EEFSEC: variants seen among roughly 807,000 people sequenced by gnomAD.
The protein encoded by EEFSEC is eukaryotic elongation factor, selenocysteine-tRNA specific, also known as selenocysteine-specific elongation factor.
Under a neutral mutation model 42.1 loss-of-function variants are expected in EEFSEC, and 43 were observed. The observed-to-expected ratio is 1.02, with a 90% confidence interval of 0.80 to 1.32. EEFSEC has a LOEUF of 1.32. EEFSEC is among the 40% of genes most tolerant of loss of function. The probability of loss-of-function intolerance (pLI) is 0.00; values close to 1 mark genes in which losing one functional copy is unlikely to be tolerated. For synonymous variants in EEFSEC, 354 were observed against 339.1 expected, an observed-to-expected ratio of 1.04 and a Z score of -0.48; for missense variants, 745 against 803.6, an observed-to-expected ratio of 0.93 and a Z score of 0.88.
At chr3:128,420,648 T>C in the EEFSEC span, among the ~76,000 whole-genome samples, 1 of 152,130 alleles carries the variant, frequency 6.6e-6, no homozygotes, top group Non-Finnish European at 1.5e-5. Flanking sequence ...TGGGAAGGAC[T>C]CCCCAGTTCC....
At chr3:128,349,298 G>T (rs2067354086) in intron 5 of EEFSEC, among the ~76,000 whole-genome samples, 1 of 152,150 alleles carries the variant, frequency 6.6e-6, no homozygotes, top group Non-Finnish European at 1.5e-5. Flanking sequence ...AGAAATCCTT[G>T]GAGCAGGGCC....
intron 1 of EEFSEC, among the ~76,000 whole-genome samples, chr3:128,202,654 T>G (rs2065655129): frequency 6.6e-6 from 1 of 152,362 alleles, no homozygotes; most frequent in Non-Finnish European, 1.5e-5. Flanking sequence ...GTTCTTTTTC[T>G]TAACTTATTA....
At chr3:128,180,563 T>C (rs1576523198) in intron 1 of EEFSEC, among the ~76,000 whole-genome samples, 1 of 151,958 alleles carries the variant, frequency 6.6e-6, no homozygotes, top group East Asian at 1.9e-4. Flanking sequence ...CCTTAAAGAG[T>C]TGTGAGGATG....
At chr3:128,274,144 C>G (rs1287200004) in intron 4 of EEFSEC, among the ~76,000 whole-genome samples, 1 of 152,176 alleles carries the variant, frequency 6.6e-6, no homozygotes, top group Non-Finnish European at 1.5e-5. Context: ...CCTGCCCTTT[C>G]CAGCTGAGGG....
In EEFSEC at chr3:128,159,592, T is replaced by C. The variant is rs184385227; in HGVS notation, c.316+5769T>C. 8.9e-4 allele frequency among the ~76,000 whole-genome samples: 135 copies of C among 152,274 alleles called. 5 individuals are homozygous for C. In the South Asian group the frequency reaches 0.027, roughly 31 times the overall value. On this transcript the variant is annotated intron_variant, in intron 1 of 6. Coordinates refer to ENST00000254730, the MANE Select transcript of EEFSEC (RefSeq NM_021937.5). ...CACTTTGTGGCCCATAGGACAATGG[T>C]CTGGCTCTGCTTTCCTCTGATCCCA...
chr3:128,314,625 T>C (rs1017395660), intron 4 of EEFSEC, among the ~76,000 whole-genome samples: 12 of 152,232 alleles, frequency 7.9e-5, no homozygotes, highest in Admixed American at 6.5e-5. Context: ...ATTACAGGCA[T>C]CAGCCATTGC....
intron 6 of EEFSEC, among the ~76,000 whole-genome samples, chr3:128,387,443 A>C (rs910864144): frequency 7.2e-5 from 11 of 152,260 alleles, no homozygotes; most frequent in African/African-American, 2.4e-4. Context: ...GGCTCGCAAA[A>C]GTCGTGATGC....
chr3:128,173,664 C>T (rs2065320853), intron 1 of EEFSEC, among the ~76,000 whole-genome samples: 1 of 152,142 alleles, frequency 6.6e-6, no homozygotes. Context: ...TATCGGTTCC[C>T]CTACTGAAAT....
At chr3:128,316,077 T>C (rs1328735462) in intron 4 of EEFSEC, among the ~76,000 whole-genome samples, 3 of 152,270 alleles carry the variant, frequency 2.0e-5, no homozygotes, top group Non-Finnish European at 2.9e-5. Context: ...GTCCTTTTGA[T>C]CACCCTTCTA....
chr3:128,197,496 C>T lies in EEFSEC; in HGVS notation c.316+43673C>T, dbSNP rs533956153. Reference sequence around the variant, plus strand: ...CCATATTGGCCAGGCTGATTTCGAACTCCTGACCTCAAGTGACCTGGCCAT... The same window carrying T: ...CCATATTGGCCAGGCTGATTTCGAATTCCTGACCTCAAGTGACCTGGCCAT... On this transcript the variant is annotated intron_variant, in intron 1 of 6. Coordinates refer to ENST00000254730, the MANE Select transcript of EEFSEC (RefSeq NM_021937.5). Among the ~76,000 whole-genome samples, 20 of 152,318 alleles carry T rather than the reference C, an allele frequency of 1.3e-4. No individual in the cohort carries two copies. In the South Asian group the frequency reaches 4.2e-3, roughly 32 times the overall value.
chr3:128,204,487 C>T (rs1201906079), intron 1 of EEFSEC, among the ~76,000 whole-genome samples: 1 of 152,120 alleles, frequency 6.6e-6, no homozygotes, highest in Non-Finnish European at 1.5e-5. Flanking sequence ...TTAGGTATTT[C>T]CCTCTCTCTC....
At chr3:128,392,624 G>A (rs1362097046) in intron 6 of EEFSEC, among the ~76,000 whole-genome samples, 3 of 152,214 alleles carry the variant, frequency 2.0e-5, no homozygotes, top group Non-Finnish European at 4.4e-5. Context: ...GAGCATCCCT[G>A]GCCCCACACA....
At chr3:128,300,936 C>G (rs1373522228) in intron 4 of EEFSEC, among the ~76,000 whole-genome samples, 1 of 151,164 alleles carries the variant, frequency 6.6e-6, no homozygotes, top group Non-Finnish European at 1.5e-5. Flanking sequence ...TTGCATGTTT[C>G]TTGCATATGC....
At chr3:128,195,554 G>GT (rs751579276) in intron 1 of EEFSEC, among the ~76,000 whole-genome samples, 7 of 152,338 alleles carry the variant, frequency 4.6e-5, no homozygotes, top group Admixed American at 3.3e-4. Flanking sequence ...CTGGCGGAAT[G>GT]TGTGGGACCT....
intron 5 of EEFSEC, among the ~76,000 whole-genome samples, chr3:128,342,396 C>G (rs1009211391): frequency 1.3e-5 from 2 of 152,266 alleles, no homozygotes; most frequent in Non-Finnish European, 2.9e-5. Flanking sequence ...GGTCTTTCCT[C>G]ACCTGTGGAC....
At chr3:128,337,378 A>T (rs1576649236) in intron 4 of EEFSEC, among the ~76,000 whole-genome samples, 3 of 152,332 alleles carry the variant, frequency 2.0e-5, no homozygotes, top group Admixed American at 2.0e-4. Flanking sequence ...CTGAGAACAC[A>T]AGCCCTGTTG....
intron 6 of EEFSEC, among the ~76,000 whole-genome samples, chr3:128,385,756 C>G (rs1040848598): frequency 6.6e-6 from 1 of 152,212 alleles, no homozygotes; most frequent in Non-Finnish European, 1.5e-5. Flanking sequence ...GCCCTCTGCC[C>G]GCAGCCCTCA....
At chr3:128,295,482 A>G (rs1465427611) in intron 4 of EEFSEC, among the ~76,000 whole-genome samples, 1 of 66,274 alleles carries the variant, frequency 1.5e-5, no homozygotes, top group Non-Finnish European at 3.2e-5. Context: ...TTTGCTGGCA[A>G]ATATACAGAC....
At chr3:128,399,933 A>G (rs2068029651) in intron 6 of EEFSEC, among the ~76,000 whole-genome samples, 1 of 152,198 alleles carries the variant, frequency 6.6e-6, no homozygotes, top group African/African-American at 2.4e-5. Flanking sequence ...CACAACTGCC[A>G]GGAAGCCAGG....
Sources: gnomAD v4.1 joint callset for allele counts (sites outside exome capture counted in the v4.1 genomes callset) on GRCh38, gnomAD v4.1.1 for gene constraint, MANE v1.5 for transcripts, NCBI Gene and HGNC (gene_info 2026-07-23, HGNC 2026-07-21) for gene names.